SMYD3: variants seen among roughly 807,000 people sequenced by gnomAD.
SMYD3 encodes histone-lysine N-methyltransferase SMYD3.
In SMYD3, 36 loss-of-function variants were observed where a neutral mutation model predicts 57.7. The observed-to-expected ratio is 0.62, with a 90% confidence interval of 0.48 to 0.82. SMYD3 has a LOEUF of 0.82. SMYD3 is among the 40% of genes least tolerant of loss of function. The pLI is 0.00. For missense variants in SMYD3, 515 were observed against 538.8 expected (o/e 0.96, Z 0.44); for synonymous variants, 211 against 195.0 (o/e 1.08, Z -0.68).
At chr1:246,031,989 T>C (rs896800501) in intron 5 of SMYD3, among the ~76,000 whole-genome samples, 3 of 152,176 alleles carry the variant, frequency 2.0e-5, no homozygotes, top group African/African-American at 2.4e-5. Context: ...TAAAGTTACG[T>C]TGAAACGACC....
intron 10 of SMYD3, among the ~76,000 whole-genome samples, chr1:245,806,536 T>C (rs943136083): frequency 6.6e-6 from 1 of 152,186 alleles, no homozygotes; most frequent in African/African-American, 2.4e-5. Flanking sequence ...TATGCTATAT[T>C]GCAGGAACTT....
chr1:246,506,978 G>GCCCCCCCC, intron 1 of SMYD3, 76 bp downstream of exon 1: 1 of 1,174,514 alleles, frequency 8.5e-7, no homozygotes, highest in Non-Finnish European at 1.1e-6. Flanking sequence ...CGCGGCTGCC[G>GCCCCCCCC]GCCGCCCGAC....
intron 11 of SMYD3, among the ~76,000 whole-genome samples, chr1:245,750,470 G>A (rs962481403): frequency 1.3e-5 from 2 of 152,184 alleles, no homozygotes; most frequent in African/African-American, 2.4e-5. Context: ...ACCTTCAGAC[G>A]ATTCCAGCAC....
At chr1:245,918,294 A>C (rs1359027188) in intron 7 of SMYD3, among the ~76,000 whole-genome samples, 1 of 152,162 alleles carries the variant, frequency 6.6e-6, no homozygotes, top group Non-Finnish European at 1.5e-5. Context: ...TTCAGGTAAC[A>C]CTGAAGACTG....
In SMYD3 at chr1:246,327,335, T is replaced by C. The variant is rs749038059; in HGVS notation, c.397A>G (p.Ile133Val). The change falls in exon 5 of 12, where the codon ATT becomes GTT. Residue 133 changes from isoleucine (I) to valine (V), a missense_variant and splice_region_variant. Transcript: ENST00000490107. ...TTCTTATCTTCAGTCAGTTTGTTAA[T>C]ATCTTTTTTAAAGAGAAAATAAATA... is the stretch of plus-strand genomic sequence containing the variant. ...LYSFYDLESN[I>V]NKLTEDKKEG... 6.2e-7 allele frequency: 1 copy of C among 1,608,468 alleles called. No homozygotes were observed. The highest frequency in any genetic ancestry group is 2.2e-5 in the East Asian group (1 of 44,850).
chr1:245,954,629 T>C (rs895799293), intron 5 of SMYD3, among the ~76,000 whole-genome samples: 1 of 146,582 alleles, frequency 6.8e-6, no homozygotes, highest in Non-Finnish European at 1.5e-5. Flanking sequence ...AGTGAGCCAA[T>C]ATAGCACCAC....
intron 5 of SMYD3, among the ~76,000 whole-genome samples, chr1:246,091,520 G>A (rs914785682): frequency 2.0e-5 from 3 of 151,706 alleles, no homozygotes; most frequent in African/African-American, 4.8e-5. Context: ...AACTGAAGTC[G>A]GTTCTGGACT....
At chr1:245,880,125 A>T (rs547726412) in intron 8 of SMYD3, among the ~76,000 whole-genome samples, 1 of 152,304 alleles carries the variant, frequency 6.6e-6, no homozygotes, top group East Asian at 1.9e-4. Flanking sequence ...CACACTAGAG[A>T]TAGCACAGTT....
intron 8 of SMYD3, among the ~76,000 whole-genome samples, chr1:245,867,663 C>CGT (rs1179540642): frequency 0.012 from 1,805 of 147,864 alleles, 32 homozygotes; most frequent in African/African-American, 0.045. Context: ...CGTGTGCGTG[C>CGT]GCGCGCACAC....
At chr1:246,373,262 A>G (rs2066219353) in intron 1 of SMYD3, among the ~76,000 whole-genome samples, 2 of 152,208 alleles carry the variant, frequency 1.3e-5, no homozygotes, top group African/African-American at 2.4e-5. Flanking sequence ...AACATTAATG[A>G]AAAGGAAATA....
intron 10 of SMYD3, among the ~76,000 whole-genome samples, chr1:245,811,942 G>A (rs747115939): frequency 6.6e-6 from 1 of 152,228 alleles, no homozygotes; most frequent in South Asian, 2.1e-4. Context: ...TGTCCACTCC[G>A]AAGCCCGTTC....
At chr1:245,938,207 T>C (rs1479669221) in intron 5 of SMYD3, among the ~76,000 whole-genome samples, 1 of 152,194 alleles carries the variant, frequency 6.6e-6, no homozygotes, top group African/African-American at 2.4e-5. Context: ...GAAGCAGGTA[T>C]TTCACATGAC....
At chr1:245,901,318 A>G (rs561817700) in intron 8 of SMYD3, among the ~76,000 whole-genome samples, 12 of 152,340 alleles carry the variant, frequency 7.9e-5, no homozygotes, top group Admixed American at 7.2e-4. Flanking sequence ...TCAGACCAAG[A>G]AAGATAACAA....
chr1:245,934,173 T>C (rs1398494120), intron 5 of SMYD3, among the ~76,000 whole-genome samples: 5 of 152,200 alleles, frequency 3.3e-5, no homozygotes, highest in African/African-American at 9.7e-5. Context: ...TCAAGTTTAC[T>C]AACTAGAGGG....
At chr1:246,147,074 C>A (rs1160406596) in intron 5 of SMYD3, among the ~76,000 whole-genome samples, 1 of 152,164 alleles carries the variant, frequency 6.6e-6, no homozygotes, top group Non-Finnish European at 1.5e-5. Flanking sequence ...GCGGAAGCAC[C>A]CGGAGTATTT....
intron 8 of SMYD3, among the ~76,000 whole-genome samples, chr1:245,865,375 T>C (rs1467282387): frequency 1.3e-5 from 2 of 152,216 alleles, no homozygotes; most frequent in Admixed American, 6.5e-5. Flanking sequence ...ATGTTTATTA[T>C]GTGCAACAAT....
At chr1:245,826,991 C>A (rs1465262509) in intron 10 of SMYD3, among the ~76,000 whole-genome samples, 1 of 152,156 alleles carries the variant, frequency 6.6e-6, no homozygotes. Context: ...GACACAAAAC[C>A]TAACCATATC....
chr1:246,348,084 A>ACT (rs2065756867), intron 2 of SMYD3, among the ~76,000 whole-genome samples: 1 of 142,280 alleles, frequency 7.0e-6, no homozygotes, highest in Non-Finnish European at 1.6e-5. Context: ...ATATACACAC[A>ACT]CACCATCAAA....
At chr1:246,497,124 T>A (rs1471170057) in intron 1 of SMYD3, among the ~76,000 whole-genome samples, 2 of 152,100 alleles carry the variant, frequency 1.3e-5, no homozygotes, top group Non-Finnish European at 2.9e-5. Context: ...TTACACAGAA[T>A]CTTCTTGTAG....
Sources: gnomAD v4.1 joint callset for allele counts (sites outside exome capture counted in the v4.1 genomes callset) on GRCh38, gnomAD v4.1.1 for gene constraint, MANE v1.5 for transcripts, NCBI Gene and HGNC (gene_info 2026-07-23, HGNC 2026-07-21) for gene names.